CACHD1: variants seen among roughly 807,000 people sequenced by gnomAD.
CACHD1 encodes cache domain containing 1, also known as VWFA and cache domain-containing protein 1.
CACHD1 carries 71 observed loss-of-function variants against 138.7 expected under a neutral mutation model. The observed-to-expected ratio is 0.51, with a 90% CI of 0.42 to 0.62. The LOEUF (loss-of-function observed/expected upper bound fraction) is 0.62. Among genes scored for constraint, CACHD1 ranks in the 20% least tolerant of loss-of-function variants. The pLI is 0.00. For missense variants in CACHD1, 1,389 were observed against 1,625.3 expected (o/e 0.85, Z 2.50); for synonymous variants, 578 against 591.5 (o/e 0.98, Z 0.33).
chr1:64,477,493 T>G (rs1017766359), intron 1 of CACHD1, among the ~76,000 whole-genome samples: 1 of 151,898 alleles, frequency 6.6e-6, no homozygotes, highest in African/African-American at 2.4e-5. Flanking sequence ...CATATGAATA[T>G]CCACATACCT....
At chr1:64,557,661 C>T (rs961573624) in intron 2 of CACHD1, among the ~76,000 whole-genome samples, 1 of 152,070 alleles carries the variant, frequency 6.6e-6, no homozygotes, top group Non-Finnish European at 1.5e-5. Context: ...CTTTTCTTGA[C>T]CCCACTTTCC....
At chr1:64,589,938 C>G (rs1010781203) in intron 3 of CACHD1, among the ~76,000 whole-genome samples, 1 of 151,990 alleles carries the variant, frequency 6.6e-6, no homozygotes, top group East Asian at 1.9e-4. Flanking sequence ...TTTTGTTAAC[C>G]TTCGGATTTA....
rs4244162 is a variant in CACHD1, at chr1:64,654,849, G to A, written c.1782+46G>A. ...TTTGCTTGAAGAGCTACAGGGTACA[G>A]TGCTCTTCTTCATGTTGGAATTCTC... On this transcript the variant is annotated intron_variant, in intron 12 of 26. Transcript: ENST00000651257. 8.2e-5 allele frequency: 113 copies of A among 1,377,772 alleles called. 5 individuals carry two copies. The Admixed American group carries it at 1.7e-3, about 20-fold the overall frequency. 85.3% of individuals were successfully genotyped at this position (1,377,772 alleles called of 1,614,324 possible). A position where few individuals can be genotyped will look rare whatever the true frequency, so the allele number is the denominator to read the frequency against.
At chr1:64,674,187 T>C (rs922786471) in intron 19 of CACHD1, among the ~76,000 whole-genome samples, 2 of 152,194 alleles carry the variant, frequency 1.3e-5, no homozygotes, top group African/African-American at 4.8e-5. Flanking sequence ...TCTCAAAAAC[T>C]CTATTGCAGA....
At chr1:64,633,477 G>T (rs923731686) in intron 6 of CACHD1, among the ~76,000 whole-genome samples, 15 of 152,138 alleles carry the variant, frequency 9.9e-5, no homozygotes, top group African/African-American at 3.6e-4. Flanking sequence ...TTTGGATGCT[G>T]ATGGATGGCT....
chr1:64,513,161 T>G (rs1418182540), intron 1 of CACHD1, among the ~76,000 whole-genome samples: 1 of 152,132 alleles, frequency 6.6e-6, no homozygotes, highest in Non-Finnish European at 1.5e-5. Flanking sequence ...CTAAGTCAGG[T>G]TTTCCCAACC....
intron 7 of CACHD1, among the ~76,000 whole-genome samples, chr1:64,638,652 G>A (rs957855111): frequency 2.0e-5 from 3 of 152,074 alleles, no homozygotes; most frequent in Admixed American, 6.5e-5. Context: ...AATATGAGTC[G>A]CTCTTCCCCT....
intron 1 of CACHD1, among the ~76,000 whole-genome samples, chr1:64,510,670 T>G (rs1646413832): frequency 6.6e-6 from 1 of 152,178 alleles, no homozygotes; most frequent in Admixed American, 6.5e-5. Context: ...TGTCTTTTAT[T>G]TTGTTGTTCT....
chr1:64,605,820 T>A (rs1647319793), intron 4 of CACHD1, among the ~76,000 whole-genome samples: 1 of 152,196 alleles, frequency 6.6e-6, no homozygotes, highest in South Asian at 2.1e-4. Context: ...ATTGTTGAGA[T>A]CTGGCTTCAT....
At chr1:64,543,296 C>T (rs1646691324) in intron 1 of CACHD1, among the ~76,000 whole-genome samples, 1 of 150,866 alleles carries the variant, frequency 6.6e-6, no homozygotes, top group South Asian at 2.1e-4. Flanking sequence ...CGGCTCATGC[C>T]TGTTATCCCA....
rs1650103128 is a variant in CACHD1 at position 64,679,587 on chromosome 1, CACTGAAGGTGATG to C, written c.3245-6_3251del. ...AACAAGAAACATCTTCTTGCTCTTT[CACTGAAGGTGATG>C]AGGTGATCACATTAAACATGATTAA... On this transcript the variant is annotated splice_acceptor_variant and splice_polypyrimidine_tract_variant and coding_sequence_variant and intron_variant, in exon 24 of 27. Transcript: ENST00000651257. LOFTEE classifies it high-confidence loss of function. 6.2e-7 allele frequency: 1 copy of C among 1,613,094 alleles called. No individual in the cohort carries two copies. The highest frequency in any genetic ancestry group is 1.7e-5 in the Admixed American group (1 of 59,818).
intron 1 of CACHD1, among the ~76,000 whole-genome samples, chr1:64,496,436 A>G (rs954683542): frequency 6.6e-6 from 1 of 152,162 alleles, no homozygotes; most frequent in Non-Finnish European, 1.5e-5. Flanking sequence ...GCTTGAGCTA[A>G]TAACTTAGCT....
At chr1:64,538,687 T>G (rs1054917729) in intron 1 of CACHD1, among the ~76,000 whole-genome samples, 1 of 152,242 alleles carries the variant, frequency 6.6e-6, no homozygotes, top group Non-Finnish European at 1.5e-5. Flanking sequence ...CTTTCTGTAC[T>G]TGATGATTGT....
chr1:64,679,522 A>G (rs1650099147), intron 23 of CACHD1, 73 bp from the exon 24 acceptor site: 1 of 1,548,286 alleles, frequency 6.5e-7, no homozygotes, highest in Non-Finnish European at 8.9e-7. Flanking sequence ...ATTCCCTCCC[A>G]TCTCACCATC....
intron 1 of CACHD1, among the ~76,000 whole-genome samples, chr1:64,516,045 T>C (rs1202233885): frequency 6.6e-6 from 1 of 152,160 alleles, no homozygotes; most frequent in Non-Finnish European, 1.5e-5. Context: ...GTTGCAAATA[T>C]CTGAAAAAAA....
At chr1:64,508,325 A>G (rs1162541530) in intron 1 of CACHD1, among the ~76,000 whole-genome samples, 1 of 152,164 alleles carries the variant, frequency 6.6e-6, no homozygotes, top group East Asian at 1.9e-4. Context: ...TTTTTATAGG[A>G]ATTACATGAG....
At chr1:64,480,525 TG>T (rs1178473897) in intron 1 of CACHD1, among the ~76,000 whole-genome samples, 1 of 152,196 alleles carries the variant, frequency 6.6e-6, no homozygotes, top group Non-Finnish European at 1.5e-5. Flanking sequence ...ATTTTTAAGT[TG>T]TTAAATACCT....
At chr1:64,479,359 C>G (rs1330591634) in intron 1 of CACHD1, among the ~76,000 whole-genome samples, 1 of 152,124 alleles carries the variant, frequency 6.6e-6, no homozygotes, top group Non-Finnish European at 1.5e-5. Context: ...GGATGTTAAC[C>G]TATTTAAGGG....
chr1:64,595,129 G>A lies in CACHD1; in HGVS notation c.411-7677G>A, dbSNP rs572522689. ...TAGATGGAACCAGTTAATCTCCAAG[G>A]TCATCTGCTAACTCTTAGTTGTTAG... is the stretch of plus-strand genomic sequence containing the variant. On this transcript the variant is annotated intron_variant, in intron 3 of 26. Transcript: ENST00000651257. Among the ~76,000 whole-genome samples, 5 of 152,224 alleles carry A rather than the reference G, an allele frequency of 3.3e-5. No individual in the cohort carries two copies. The East Asian group carries it at 7.7e-4, about 24-fold the overall frequency.
Sources: allele counts gnomAD v4.1 joint callset (sites outside exome capture counted in the v4.1 genomes callset), GRCh38; gene constraint gnomAD v4.1.1; transcripts MANE v1.5; gene names NCBI Gene and HGNC (gene_info 2026-07-23, HGNC 2026-07-21).